TMEM135: variants seen among roughly 807,000 people sequenced by gnomAD.
The protein encoded by TMEM135 is transmembrane protein 135, also known as peroxisomal membrane protein 52.
Under a neutral mutation model 60.3 loss-of-function variants are expected in TMEM135, and 30 were observed. The ratio of observed to expected loss-of-function variants is 0.50; its 90% CI spans 0.37 to 0.68. The LOEUF is 0.68. Ranked by LOEUF, TMEM135 falls within the 30% of genes least tolerant of loss-of-function variation. TMEM135 has a pLI of 0.00. For missense variants in TMEM135, 468 were observed against 548.8 expected (o/e 0.85, Z 1.47); for synonymous variants, 190 against 186.7 (o/e 1.02, Z -0.14).
chr11:87,179,875 G>A (rs1009341339), intron 5 of TMEM135, among the ~76,000 whole-genome samples: 9 of 152,134 alleles, frequency 5.9e-5, no homozygotes, highest in African/African-American at 1.2e-4. Context: ...ATAATAGCAG[G>A]AGGTTCAGGA....
chr11:87,067,026 C>T (rs1203165382), intron 1 of TMEM135, among the ~76,000 whole-genome samples: 3 of 150,950 alleles, frequency 2.0e-5, no homozygotes, highest in African/African-American at 2.4e-5. Context: ...GTGATCTGCC[C>T]ACCTCGGCCT....
intron 12 of TMEM135, among the ~76,000 whole-genome samples, chr11:87,314,838 G>A (rs1332787871): frequency 1.3e-5 from 2 of 151,634 alleles, no homozygotes; most frequent in African/African-American, 4.8e-5. Flanking sequence ...CACAGGTATC[G>A]AGTTATTTTA....
intron 1 of TMEM135, among the ~76,000 whole-genome samples, chr11:87,058,496 A>AT (rs971399050): frequency 1.1e-4 from 16 of 151,870 alleles, no homozygotes; most frequent in African/African-American, 3.4e-4. Flanking sequence ...CACTCCACTA[A>AT]TTTTTTGTAT....
At chr11:87,136,622 T>C (rs1331352880) in intron 4 of TMEM135, among the ~76,000 whole-genome samples, 1 of 151,600 alleles carries the variant, frequency 6.6e-6, no homozygotes. Flanking sequence ...AGCAATCTGG[T>C]CTTTTTTTCT....
intron 5 of TMEM135, among the ~76,000 whole-genome samples, chr11:87,184,979 A>G (rs1939613926): frequency 6.6e-6 from 1 of 152,174 alleles, no homozygotes; most frequent in African/African-American, 2.4e-5. Flanking sequence ...ACTTATACAA[A>G]AGTAAAGAGG....
chr11:87,117,781 C>G (rs1055481987), intron 4 of TMEM135, among the ~76,000 whole-genome samples: 1 of 152,160 alleles, frequency 6.6e-6, no homozygotes, highest in African/African-American at 2.4e-5. Flanking sequence ...TTTAGACCAC[C>G]TCCCATGAAT....
intron 12 of TMEM135, among the ~76,000 whole-genome samples, 166 bp from the exon 13 acceptor site, chr11:87,317,971 A>G (rs1942760231): frequency 6.6e-6 from 1 of 152,192 alleles, no homozygotes; most frequent in African/African-American, 2.4e-5. Context: ...TGTGAGGGAA[A>G]GGGAAGGGCT....
In TMEM135 at chr11:87,108,788, A is replaced by C. The variant is rs1285986298; in HGVS notation, c.396+17393A>C. Among the ~76,000 whole-genome samples the C allele has an allele frequency of 6.6e-5, 10 of 152,258 alleles. No homozygotes were observed. The South Asian group carries it at 1.9e-3, about 28-fold the overall frequency. ...TATGAATTCTGATTTCTGTGTAAAG[A>C]CTTGTATACAAATATTCTTAGAGCC... On this transcript the variant is annotated intron_variant, in intron 4 of 14. Coordinates refer to ENST00000305494, the MANE Select transcript of TMEM135 (RefSeq NM_022918.4).
chr11:87,201,955 G>GTTATGTTATGTT (rs1940104047), intron 5 of TMEM135, among the ~76,000 whole-genome samples: 1 of 77,360 alleles, frequency 1.3e-5, no homozygotes, highest in Non-Finnish European at 2.3e-5. Context: ...TATTTTTTAT[G>GTTATGTTATGTT]TTATGTTATG....
intron 4 of TMEM135, among the ~76,000 whole-genome samples, chr11:87,107,784 G>A (rs983531042): frequency 6.6e-6 from 1 of 151,964 alleles, no homozygotes; most frequent in Non-Finnish European, 1.5e-5. Context: ...TACCCATATG[G>A]GATTGCTGGG....
chr11:87,261,301 C>T (rs1262744061), intron 6 of TMEM135, among the ~76,000 whole-genome samples: 2 of 152,074 alleles, frequency 1.3e-5, no homozygotes, highest in African/African-American at 2.4e-5. Flanking sequence ...ACATATTCTG[C>T]CTTGATTTAT....
At chr11:87,111,151 T>A (rs1027479253) in intron 4 of TMEM135, among the ~76,000 whole-genome samples, 1 of 152,226 alleles carries the variant, frequency 6.6e-6, no homozygotes, top group Non-Finnish European at 1.5e-5. Flanking sequence ...GAAGAAATGC[T>A]TAGTTATTTT....
chr11:87,172,437 C>G (rs1325679549), intron 5 of TMEM135, among the ~76,000 whole-genome samples: 1 of 149,102 alleles, frequency 6.7e-6, no homozygotes, highest in Non-Finnish European at 1.5e-5. Context: ...TTTTTTTTAC[C>G]TACTTTTGTT....
intron 6 of TMEM135, among the ~76,000 whole-genome samples, chr11:87,263,642 A>G (rs1034244009): frequency 1.3e-5 from 2 of 152,118 alleles, no homozygotes; most frequent in Non-Finnish European, 2.9e-5. Context: ...TATTCTCTAA[A>G]GTGAATAATA....
At chr11:87,246,451 C>T (rs970291119) in intron 6 of TMEM135, among the ~76,000 whole-genome samples, 1 of 152,140 alleles carries the variant, frequency 6.6e-6, no homozygotes, top group African/African-American at 2.4e-5. Context: ...GAGTGTTTTC[C>T]AACTTGGTTG....
chr11:87,053,457 A>G (rs1012310204), intron 1 of TMEM135, among the ~76,000 whole-genome samples: 1 of 152,176 alleles, frequency 6.6e-6, no homozygotes, highest in Admixed American at 6.5e-5. Context: ...TTATTATCAT[A>G]TTAGTTATTG....
intron 5 of TMEM135, among the ~76,000 whole-genome samples, chr11:87,231,485 A>G (rs1291138349): frequency 6.6e-6 from 1 of 152,230 alleles, no homozygotes; most frequent in Non-Finnish European, 1.5e-5. Flanking sequence ...CTTAAAAGCA[A>G]GTCTTTAAAA....
chr11:87,112,746 A>T (rs1857786396), intron 4 of TMEM135, among the ~76,000 whole-genome samples: 1 of 151,696 alleles, frequency 6.6e-6, no homozygotes, highest in South Asian at 2.1e-4. Context: ...TGTAGGGCTG[A>T]TGCCTAGCAT....
At chr11:87,125,661 A>C (rs1244234466) in intron 4 of TMEM135, among the ~76,000 whole-genome samples, 1 of 152,298 alleles carries the variant, frequency 6.6e-6, no homozygotes, top group Non-Finnish European at 1.5e-5. Flanking sequence ...TGTAATAGAA[A>C]ACCATTGGAG....
Sources: gnomAD v4.1 joint callset for allele counts (sites outside exome capture counted in the v4.1 genomes callset) on GRCh38, gnomAD v4.1.1 for gene constraint, MANE v1.5 for transcripts, NCBI Gene and HGNC (gene_info 2026-07-23, HGNC 2026-07-21) for gene names.